The following ANKS1B variants were observed in gnomAD, a reference collection of about 807,000 sequenced individuals.
The protein encoded by ANKS1B is ankyrin repeat and sterile alpha motif domain containing 1B, also known as ankyrin repeat and sterile alpha motif domain-containing protein 1B.
Under a neutral mutation model 148.3 loss-of-function variants are expected in ANKS1B, and 36 were observed. That is an observed-to-expected ratio of 0.24 (90% CI 0.19 to 0.32). The LOEUF (loss-of-function observed/expected upper bound fraction) is 0.32. Ranked by LOEUF, ANKS1B falls within the 10% of genes least tolerant of loss-of-function variation. ANKS1B has a pLI of 1.00. For synonymous variants in ANKS1B, 542 were observed against 560.8 expected (o/e 0.97, Z 0.47); for missense variants, 1,157 against 1,542.6 (o/e 0.75, Z 4.19).
At chr12:99,625,276 A>G (rs1251109734) in intron 9 of ANKS1B, among the ~76,000 whole-genome samples, 1 of 152,026 alleles carries the variant, frequency 6.6e-6, no homozygotes, top group Non-Finnish European at 1.5e-5. Context: ...AAAACTTCCT[A>G]CTGGTTGCTA....
chr12:99,627,883 A>C (rs115714728), intron 9 of ANKS1B, among the ~76,000 whole-genome samples: 1,531 of 152,318 alleles, frequency 0.01, 31 homozygotes, highest in African/African-American at 0.035. Context: ...TAAAGTTTAT[A>C]AAATTAATAG....
intron 25 of ANKS1B, among the ~76,000 whole-genome samples, chr12:98,757,041 T>TA (rs1191051462): frequency 1.5e-4 from 21 of 143,084 alleles, no homozygotes; most frequent in South Asian, 2.3e-4. Flanking sequence ...GACTCAATCT[T>TA]AAAAAAAAAA....
chr12:98,908,905 C>A (rs1025798939), intron 17 of ANKS1B, among the ~76,000 whole-genome samples: 4 of 152,158 alleles, frequency 2.6e-5, no homozygotes, highest in African/African-American at 4.8e-5. Context: ...ACAGCCCAAC[C>A]TACCCACCGT....
intron 12 of ANKS1B, among the ~76,000 whole-genome samples, chr12:99,348,519 T>A (rs2091028471): frequency 6.6e-6 from 1 of 151,680 alleles, no homozygotes; most frequent in Admixed American, 6.6e-5. Flanking sequence ...AATCAAACCA[T>A]CAAAAACCAA....
intron 1 of ANKS1B, among the ~76,000 whole-genome samples, chr12:99,905,158 G>A (rs1201446622): frequency 6.6e-5 from 10 of 152,130 alleles, no homozygotes; most frequent in African/African-American, 2.2e-4. Flanking sequence ...TCTGAATTGA[G>A]GGTAAAGGGA....
At chr12:99,007,170 G>A (rs934056189) in intron 17 of ANKS1B, among the ~76,000 whole-genome samples, 2 of 152,190 alleles carry the variant, frequency 1.3e-5, no homozygotes, top group Non-Finnish European at 2.9e-5. Context: ...TGTGGGAGCT[G>A]GAGCTGTCTG....
intron 9 of ANKS1B, among the ~76,000 whole-genome samples, chr12:99,558,133 A>G (rs944908319): frequency 6.6e-6 from 1 of 152,196 alleles, no homozygotes; most frequent in Non-Finnish European, 1.5e-5. Flanking sequence ...GTGCTCACTC[A>G]TTCATGCCAG....
chr12:98,936,184 A>G (rs561689253), intron 17 of ANKS1B, among the ~76,000 whole-genome samples: 1 of 152,322 alleles, frequency 6.6e-6, no homozygotes, highest in South Asian at 2.1e-4. Context: ...GGGAGTAAAA[A>G]TTATCTAACC....
intron 15 of ANKS1B, chr12:99,104,439 A>G (rs1234788023): frequency 6.6e-6 from 1 of 152,184 alleles, no homozygotes; most frequent in Non-Finnish European, 1.5e-5. Context: ...GATCTGTTCC[A>G]TTTCACCACT....
intron 14 of ANKS1B, among the ~76,000 whole-genome samples, chr12:99,157,388 T>C (rs1038176303): frequency 2.0e-5 from 3 of 152,196 alleles, no homozygotes; most frequent in Non-Finnish European, 4.4e-5. Flanking sequence ...GCAAGGCACA[T>C]GCTGATTGGC....
intron 10 of ANKS1B, among the ~76,000 whole-genome samples, chr12:99,475,767 C>G (rs1283550466): frequency 6.6e-6 from 1 of 151,662 alleles, no homozygotes; most frequent in African/African-American, 2.4e-5. Flanking sequence ...ACTGTAATTA[C>G]ATTAATCAGT....
rs148406031 is a variant in ANKS1B, at chr12:99,389,536, T to C, written c.1756+10095A>G. ...TTCTCTCACAGCTTTATTTTTAACT[T>C]TAATGATCACACATATATCACACAA... On this transcript the variant is annotated intron_variant, in intron 12 of 26. Coordinates refer to ENST00000683438, the MANE Select transcript of ANKS1B (RefSeq NM_001352186.2). 6.8e-3 allele frequency among the ~76,000 whole-genome samples: 1,036 copies of C among 152,302 alleles called. 17 individuals carry two copies. The highest frequency in any genetic ancestry group is 0.024 in the African/African-American group (991 of 41,554).
At chr12:99,338,913 T>C (rs1270656105) in intron 12 of ANKS1B, among the ~76,000 whole-genome samples, 1 of 152,110 alleles carries the variant, frequency 6.6e-6, no homozygotes, top group African/African-American at 2.4e-5. Context: ...AGTTGAAAGA[T>C]GAAGTCCCCT....
intron 4 of ANKS1B, among the ~76,000 whole-genome samples, chr12:99,804,522 C>T (rs1208697793): frequency 2.6e-5 from 4 of 152,150 alleles, no homozygotes; most frequent in South Asian, 2.1e-4. Flanking sequence ...AGCCTTAAAA[C>T]TGAGATTGGA....
rs1410193101 is a variant in ANKS1B, at chr12:99,000,794, C to T, written c.2778+52363G>A. On this transcript the variant is annotated intron_variant, in intron 17 of 26. Coordinates refer to ENST00000683438, the MANE Select transcript of ANKS1B (RefSeq NM_001352186.2). ...TCCTTGGTAACCACCATTTATTCTA[C>T]TCTCGCATTATGTGAAATGGACTAT... is the stretch of plus-strand genomic sequence containing the variant. 5.3e-5 allele frequency among the ~76,000 whole-genome samples: 8 copies of T among 152,286 alleles called. No homozygotes were observed. In the East Asian group the frequency reaches 1.5e-3, roughly 29 times the overall value.
At chr12:99,480,527 A>T (rs965343771) in intron 10 of ANKS1B, among the ~76,000 whole-genome samples, 6 of 151,848 alleles carry the variant, frequency 4.0e-5, no homozygotes, top group African/African-American at 1.2e-4. Context: ...AATCTATTTC[A>T]TGAGTTTGAT....
chr12:99,923,857 G>A (rs1458745055), intron 1 of ANKS1B, among the ~76,000 whole-genome samples: 1 of 151,466 alleles, frequency 6.6e-6, no homozygotes, highest in Non-Finnish European at 1.5e-5. Flanking sequence ...ATTCTTAGCA[G>A]GACCAGAACT....
At chr12:98,894,592 G>A (rs1242708217) in intron 17 of ANKS1B, 1 of 985,252 alleles carries the variant, frequency 1.0e-6, no homozygotes, top group Non-Finnish European at 1.2e-6. Flanking sequence ...CGGCGAGCGG[G>A]GGCCGCGGAG....
chr12:99,625,689 T>C (rs1025525655), intron 9 of ANKS1B, among the ~76,000 whole-genome samples: 1 of 152,130 alleles, frequency 6.6e-6, no homozygotes, highest in Non-Finnish European at 1.5e-5. Context: ...ATGATAACAA[T>C]GCAGCTGGTG....
Sources: allele counts gnomAD v4.1 joint callset (sites outside exome capture counted in the v4.1 genomes callset), GRCh38; gene constraint gnomAD v4.1.1; transcripts MANE v1.5; gene names NCBI Gene and HGNC (gene_info 2026-07-23, HGNC 2026-07-21).